MYO15A: variants seen among roughly 807,000 people sequenced by gnomAD.
The protein encoded by MYO15A is myosin XVA.
In MYO15A, 308 loss-of-function variants were observed where a neutral mutation model predicts 394.6. The observed-to-expected ratio is 0.78, with a 90% CI of 0.71 to 0.86. MYO15A has a LOEUF of 0.86. Among genes scored for constraint, MYO15A ranks in the 40% least tolerant of loss-of-function variants. The probability of loss-of-function intolerance (pLI) is 0.00; values close to 1 mark genes in which losing one functional copy is unlikely to be tolerated. For synonymous variants in MYO15A, 1,957 were observed against 2,003.8 expected (o/e 0.98, Z 0.62); for missense variants, 4,606 against 4,799.1 (o/e 0.96, Z 1.19).
intron 12 of MYO15A, among the ~76,000 whole-genome samples, chr17:18,133,683 C>T (rs1412421019): frequency 2.6e-5 from 4 of 151,946 alleles, no homozygotes; most frequent in Non-Finnish European, 5.9e-5. Flanking sequence ...CACTCTGTCA[C>T]CCAGGCTGGA....
chr17:18,163,257 C>T lies in MYO15A; in HGVS notation c.9626C>T (p.Ser3209Phe). The T allele has an allele frequency of 1.9e-6, 3 of 1,614,202 alleles. No homozygotes were observed. The East Asian group carries it at 6.7e-5, about 36-fold the overall frequency. Residue 3209 changes from serine to phenylalanine, a missense_variant, in exon 59 of 66, where the codon TCC (serine) becomes TTC (phenylalanine). This residue lies in a region of MYO15A where 2,776 missense variants were observed against 3,109.3 expected (regional missense o/e 0.89). Coordinates refer to ENST00000647165, the MANE Select transcript of MYO15A (RefSeq NM_016239.4). ...ELRAMLAGRS[S>F]KRQLFLLPGG... The stretch of plus-strand genomic sequence containing the variant: ...TATCTACCCCAGGCAGGCCGCAGTT[C>T]CAAGAGGCAACTCTTTCTTCTTCCT...
intron 44 of MYO15A, 37 bp from the exon 45 acceptor site, chr17:18,154,643 T>G (rs1399580129): frequency 1.2e-6 from 2 of 1,606,740 alleles, no homozygotes; most frequent in Admixed American, 3.3e-5. Context: ...GCTGGGGGAG[T>G]CCCATGTGCT....
intron 20 of MYO15A, 29 bp downstream of exon 20, chr17:18,140,694 C>G (rs368567069): frequency 9.3e-6 from 15 of 1,613,900 alleles, no homozygotes; most frequent in Admixed American, 1.7e-5. Flanking sequence ...GGGCGGAGCA[C>G]CCAGCCTCAT....
In MYO15A at chr17:18,151,841, C is replaced by T. The variant is rs187668960; in HGVS notation, c.7788-5C>T. Reference sequence around the variant, plus strand: ...CAACCCACCACAGTACTCCAATGCCCACAGGAAGGATGGCGGGAAAGTGTT... The same window carrying T: ...CAACCCACCACAGTACTCCAATGCCTACAGGAAGGATGGCGGGAAAGTGTT... On this transcript the variant is annotated splice_region_variant and splice_polypyrimidine_tract_variant and intron_variant, in intron 40 of 65. Transcript: ENST00000647165. The T allele has an allele frequency of 1.8e-4, 289 of 1,571,542 alleles. No individual in the cohort carries two copies. The African/African-American group carries it at 3.6e-3, about 20-fold the overall frequency.
rs1478068007 is a variant in MYO15A at position 18,126,957 on chromosome 17, T to C, written c.3941+92T>C. ...GAACTGCTGTGGGACCTTGGAAGAT[T>C]GCCTGGTACCTCTGGGTTGGCCCAC... On this transcript the variant is annotated intron_variant, in intron 6 of 65. Transcript: ENST00000647165. 18 of 1,596,592 alleles carry C rather than the reference T, an allele frequency of 1.1e-5. No individual in the cohort carries two copies. The East Asian group carries it at 3.8e-4, about 34-fold the overall frequency.
rs758896141 is a variant in MYO15A, at chr17:18,133,345, T to C, written c.4441T>C (p.Ser1481Pro). 2 of 1,614,196 alleles carry C rather than the reference T, an allele frequency of 1.2e-6. No individual in the cohort carries two copies. The highest frequency in any genetic ancestry group is 4.5e-5 in the East Asian group (2 of 44,884). The change falls in exon 12 of 66, where the codon TCC (serine) becomes CCC (proline). Residue 1481 changes from serine to proline, a missense_variant. Ser to Pro is a moderately conservative substitution (Grantham distance 74). Around this residue, in one of 2 missense-constraint regions of MYO15A, gnomAD observed 2,776 missense variants for 3,109.3 expected, o/e 0.89. Coordinates refer to ENST00000647165, the MANE Select transcript of MYO15A (RefSeq NM_016239.4). ...GGACAGCATCTTCCGCATCCTGGCC[T>C]CCATCCTGCACCTGGGCAACGTCTA... Reference protein sequence around the residue: ...DQDSIFRILASILHLGNVYFE... With the variant: ...DQDSIFRILAPILHLGNVYFE...
In MYO15A at chr17:18,147,685, CCAA is replaced by C. The variant is rs1214017300; in HGVS notation, c.6510-340_6510-338del. 6.6e-6 allele frequency among the ~76,000 whole-genome samples: 1 copy of C among 152,172 alleles called. No homozygotes were observed. The highest frequency in any genetic ancestry group is 2.4e-5 in the African/African-American group (1 of 41,438). On this transcript the variant is annotated intron_variant, in intron 30 of 65. Coordinates refer to ENST00000647165, the MANE Select transcript of MYO15A (RefSeq NM_016239.4). This position sits in a 1 kb window ranked among gnomAD's most constrained non-coding sequence, Gnocchi z 4.4. ...CCCAGCCTGTCAATGACATTTTGTT[CCAA>C]CAAGCTGGTACCTCTTTGGCCTATC...
At position 18,168,591 on chromosome 17, in the gene MYO15A, A is replaced by T. The variant is rs149929817; in HGVS notation, c.10082+868A>T. On this transcript the variant is annotated intron_variant, in intron 62 of 65. Coordinates refer to ENST00000647165, the MANE Select transcript of MYO15A (RefSeq NM_016239.4). ...TCAAAAAAAAAAAAAGAAAGAAAAG[A>T]AACAGGGTCTTGCTACTTTGCCCAG... 7.8e-3 allele frequency among the ~76,000 whole-genome samples: 1,174 copies of T among 151,012 alleles called. 18 individuals carry two copies. Among genetic ancestry groups the T allele is most frequent in the African/African-American group, 0.027 (1,104 of 41,266 alleles).
intron 60 of MYO15A, among the ~76,000 whole-genome samples, chr17:18,166,019 C>T (rs1321499796): frequency 6.6e-6 from 1 of 152,218 alleles, no homozygotes; most frequent in Non-Finnish European, 1.5e-5. Context: ...TGGGCCTTCT[C>T]TGAGAATAAT....
chr17:18,131,407 C>T, intron 9 of MYO15A, 61 bp from the exon 10 acceptor site: 1 of 1,613,334 alleles, frequency 6.2e-7, no homozygotes, highest in Non-Finnish European at 8.5e-7. Flanking sequence ...TGCCACAGCC[C>T]CTCGGAGCCA....
chr17:18,141,530 A>G (rs1354576833), intron 22 of MYO15A, 123 bp from the exon 23 acceptor site: 1 of 929,740 alleles, frequency 1.1e-6, no homozygotes, highest in African/African-American at 1.6e-5. Context: ...AGAATAAACT[A>G]TTTGTGGAGC....
chr17:18,158,578 C>T lies in MYO15A; in HGVS notation c.9023C>T (p.Pro3008Leu), dbSNP rs765934820. 3.7e-5 allele frequency: 59 copies of T among 1,614,060 alleles called. No homozygotes were observed. The East Asian group carries it at 1.3e-3, about 35-fold the overall frequency. ...ADHGEDALAL[P>L]PYTMLEFAQK... is the part of the protein sequence containing the mutation. ...CATGGGGAGGACGCCCTGGCGCTCC[C>T]ACCCTACACAATGCTCGAGTTTGCC... The change falls in exon 52 of 66, where the codon CCA (proline) becomes CTA (leucine). Residue 3008 changes from proline to leucine, a missense_variant. Physicochemically the swap from Pro to Leu is moderately conservative, Grantham distance 98. Around this residue, in one of 2 missense-constraint regions of MYO15A, gnomAD observed 2,776 missense variants for 3,109.3 expected, o/e 0.89. Coordinates refer to ENST00000647165, the MANE Select transcript of MYO15A (RefSeq NM_016239.4).
Position 18,163,938 on chromosome 17 carries a change from C to T in MYO15A, c.9787+100C>T, listed in dbSNP as rs1038125374. The stretch of plus-strand genomic sequence containing the variant: ...CAGATTTTAGGGCCCAAGTCAGGTG[C>T]CACTTCCTCCAGGAAGCCCCTTGAC... On this transcript the variant is annotated intron_variant, in intron 60 of 65. Transcript: ENST00000647165. 1.1e-5 allele frequency: 13 copies of T among 1,205,594 alleles called. No homozygotes were observed. In the African/African-American group the frequency reaches 1.4e-4, roughly 13 times the overall value. 74.7% of individuals were successfully genotyped at this position (1,205,594 alleles called of 1,614,324 possible).
Position 18,149,575 on chromosome 17 carries a change from G to T in MYO15A, c.7207G>T (p.Asp2403Tyr), listed in dbSNP as rs878853227. ...SLFDPVLSYG[D>Y]ADLEKPTAIA... ...CTTTGACCCTGTGCTGTCCTACGGG[G>T]ATGCGGTAGGGATGGTGTGGGGTGG... Residue 2403 changes from aspartate (D) to tyrosine (Y), a missense_variant, in exon 35 of 66, where the codon GAT (aspartate) becomes TAT (tyrosine). By Grantham distance (160) the Asp-to-Tyr change is radical (BLOSUM62 -3). Transcript: ENST00000647165. 1 of 1,613,946 alleles carries T rather than the reference G, an allele frequency of 6.2e-7. No individual in the cohort carries two copies. Among genetic ancestry groups the T allele is most frequent in the Non-Finnish European group, 8.5e-7 (1 of 1,179,824 alleles).
At position 18,132,607 on chromosome 17, in the gene MYO15A, C is replaced by A; in HGVS notation, c.4320+41C>A. On this transcript the variant is annotated intron_variant, in intron 11 of 65. Transcript: ENST00000647165. The surrounding 1 kb of genome is among the most constrained non-coding windows in gnomAD (Gnocchi z 4.6). ...CATCTGAAGGCCCCTGGCCCTGGTC[C>A]TCCCACCCCGACGCCCCTGGCTGGG... 6.5e-7 allele frequency: 1 copy of A among 1,550,176 alleles called. No homozygotes were observed. The highest frequency in any genetic ancestry group is 8.8e-7 in the Non-Finnish European group (1 of 1,131,656).
chr17:18,172,061 C>G (rs2046950334), intron 63 of MYO15A, 96 bp from the exon 64 acceptor site: 13 of 1,599,126 alleles, frequency 8.1e-6, no homozygotes, highest in Admixed American at 5.0e-5. Context: ...TCTGCACTGG[C>G]TGGACACAGC....
At chr17:18,113,797 G>GACACACACACACACACACAC (rs4025536) in intron 1 of MYO15A, among the ~76,000 whole-genome samples, 2 of 138,918 alleles carry the variant, frequency 1.4e-5, no homozygotes, top group African/African-American at 2.8e-5. Context: ...CACCTCCCCT[G>GACACACACACACACACACAC]ACACACACAC....
chr17:18,145,123 TG>T (rs2046453440), intron 29 of MYO15A, among the ~76,000 whole-genome samples: 1 of 152,166 alleles, frequency 6.6e-6, no homozygotes, highest in Non-Finnish European at 1.5e-5. Context: ...AGGGTGAGAC[TG>T]GCCAGTGAGG....
intron 62 of MYO15A, 145 bp from the exon 63 acceptor site, chr17:18,171,493 C>T (rs1290872996): frequency 3.4e-5 from 42 of 1,253,164 alleles, no homozygotes; most frequent in South Asian, 3.0e-4. Flanking sequence ...ACCTCTACCC[C>T]ACTTTCAGCC....
Sources: allele counts gnomAD v4.1 joint callset (sites outside exome capture counted in the v4.1 genomes callset), GRCh38; gene constraint gnomAD v4.1.1; regional missense constraint gnomAD v4.1.1; non-coding constraint Gnocchi (gnomAD v3.1); transcripts MANE v1.5; gene names NCBI Gene and HGNC (gene_info 2026-07-23, HGNC 2026-07-21).